The following MKLN1 variants were observed in gnomAD, a reference collection of about 807,000 sequenced individuals.
The protein encoded by MKLN1 is muskelin 1.
Under a neutral mutation model 99.0 loss-of-function variants are expected in MKLN1, and 18 were observed. That is an observed-to-expected ratio of 0.18 (90% CI 0.13 to 0.27). MKLN1 has a LOEUF of 0.27. Among genes scored for constraint, MKLN1 ranks in the 10% least tolerant of loss-of-function variants. MKLN1 has a pLI of 1.00. For synonymous variants in MKLN1, 288 were observed against 293.2 expected (o/e 0.98, Z 0.18); for missense variants, 621 against 875.9 (o/e 0.71, Z 3.67).
chr7:131,206,929 A>C (rs764370978), intron 3 of MKLN1, among the ~76,000 whole-genome samples: 1 of 152,128 alleles, frequency 6.6e-6, no homozygotes, highest in Non-Finnish European at 1.5e-5. Flanking sequence ...AAATGTTGCC[A>C]AGGCTGATTT....
intron 1 of MKLN1, among the ~76,000 whole-genome samples, chr7:131,120,768 T>A (rs1795355795): frequency 6.6e-6 from 1 of 152,152 alleles, no homozygotes; most frequent in Admixed American, 6.5e-5. Context: ...TCCATATCAC[T>A]ATCAGCATTT....
intron 1 of MKLN1, among the ~76,000 whole-genome samples, chr7:131,122,035 A>G (rs897589973): frequency 2.0e-5 from 3 of 152,266 alleles, no homozygotes; most frequent in Non-Finnish European, 4.4e-5. Flanking sequence ...CAAAAGGTCA[A>G]GAAAGATTAT....
chr7:131,254,461 T>A (rs1586431), intron 3 of MKLN1, among the ~76,000 whole-genome samples: 16,241 of 152,118 alleles, frequency 0.11, 921 homozygotes, highest in Middle Eastern at 0.12. Flanking sequence ...ACTTGAGGGC[T>A]CAGATATCAG....
chr7:131,382,898 T>C (rs572682943), intron 2 of MKLN1, among the ~76,000 whole-genome samples: 10 of 152,136 alleles, frequency 6.6e-5, no homozygotes, highest in African/African-American at 2.2e-4. Context: ...TAATTTTTTG[T>C]ATTTTTAGTA....
chr7:131,181,319 A>G (rs964315335), intron 2 of MKLN1, among the ~76,000 whole-genome samples: 2 of 152,220 alleles, frequency 1.3e-5, no homozygotes, highest in Non-Finnish European at 2.9e-5. Context: ...ATTATAGAAA[A>G]CTATATATGC....
intron 1 of MKLN1, among the ~76,000 whole-genome samples, chr7:131,113,298 C>T (rs1474652835): frequency 6.6e-6 from 1 of 152,054 alleles, no homozygotes; most frequent in Non-Finnish European, 1.5e-5. Flanking sequence ...GTGTAAAGAC[C>T]TTAGGGAAAA....
At chr7:131,298,006 G>C (rs1048124287) in intron 3 of MKLN1, among the ~76,000 whole-genome samples, 3 of 152,162 alleles carry the variant, frequency 2.0e-5, no homozygotes. Flanking sequence ...CATGACGGCC[G>C]GGCGCGGTGG....
chr7:131,389,906 A>G (rs888978790), intron 4 of MKLN1, among the ~76,000 whole-genome samples: 2 of 152,078 alleles, frequency 1.3e-5, no homozygotes, highest in South Asian at 2.1e-4. Flanking sequence ...AAAACCAAAA[A>G]AAAAATACTT....
chr7:131,398,415 C>T (rs1482540990), intron 5 of MKLN1, among the ~76,000 whole-genome samples: 4 of 151,974 alleles, frequency 2.6e-5, no homozygotes, highest in Admixed American at 6.6e-5. Context: ...TAAATTGGGC[C>T]GGGCGCAGTG....
intron 12 of MKLN1, 31 bp from the exon 13 acceptor site, chr7:131,463,186 T>C: frequency 1.3e-6 from 2 of 1,545,292 alleles, no homozygotes; most frequent in Non-Finnish European, 1.8e-6. Flanking sequence ...AATGTGAATA[T>C]TTTCATCTTA....
At chr7:131,418,920 C>T (rs560035717) in intron 8 of MKLN1, among the ~76,000 whole-genome samples, 79 of 152,192 alleles carry the variant, frequency 5.2e-4, no homozygotes, top group African/African-American at 1.9e-3. Flanking sequence ...AATTATGGTT[C>T]AGGTTAAATT....
intron 3 of MKLN1, among the ~76,000 whole-genome samples, chr7:131,288,796 G>T (rs1798171724): frequency 6.6e-6 from 1 of 151,940 alleles, no homozygotes; most frequent in African/African-American, 2.4e-5. Context: ...AGCTTCTATT[G>T]CTGCATGCTT....
intron 1 of MKLN1, among the ~76,000 whole-genome samples, chr7:131,133,794 A>T (rs1584781940): frequency 1.1e-5 from 1 of 88,480 alleles, no homozygotes; most frequent in Non-Finnish European, 2.5e-5. Flanking sequence ...GCCCAGGTTG[A>T]CTTCTTTTTT....
At chr7:131,203,896 C>A (rs1796766389) in intron 3 of MKLN1, among the ~76,000 whole-genome samples, 1 of 152,050 alleles carries the variant, frequency 6.6e-6, no homozygotes. Context: ...CCTAACATAG[C>A]CCTCATTTAT....
At chr7:131,291,254 C>T (rs1046292490) in intron 3 of MKLN1, among the ~76,000 whole-genome samples, 12 of 151,756 alleles carry the variant, frequency 7.9e-5, no homozygotes, top group Admixed American at 7.9e-4. Flanking sequence ...CCTCAGCCTT[C>T]CAAGTAGCTG....
In MKLN1 at chr7:131,445,713, T is replaced by G. The variant is rs535227436; in HGVS notation, c.1396-61T>G. On this transcript the variant is annotated intron_variant, in intron 11 of 17. Transcript: ENST00000352689. ...AGAGGTTTAAGTTTTTAAAGGATCA[T>G]TCTGAGTTCTTCATGGAAGTGATAA... is the stretch of plus-strand genomic sequence containing the variant. 51 of 1,418,840 alleles carry G rather than the reference T, an allele frequency of 3.6e-5. No individual in the cohort carries two copies. The African/African-American group carries it at 7.3e-4, about 20-fold the overall frequency. 87.9% of individuals were successfully genotyped at this position (1,418,840 alleles called of 1,614,324 possible). A position where few individuals can be genotyped will look rare whatever the true frequency, so the allele number is the denominator to read the frequency against.
intron 2 of MKLN1, among the ~76,000 whole-genome samples, chr7:131,175,595 G>A (rs138060237): frequency 3.9e-5 from 6 of 152,264 alleles, no homozygotes; most frequent in Non-Finnish European, 8.8e-5. Context: ...ACATGTTTGA[G>A]ATTAAACATA....
At chr7:131,438,097 C>A in intron 10 of MKLN1, 100 bp downstream of exon 10, 1 of 832,168 alleles carries the variant, frequency 1.2e-6, no homozygotes, top group Non-Finnish European at 2.0e-6. Flanking sequence ...TCCAGTAGTG[C>A]TTTCCATGAC....
chr7:131,487,044 C>CT lies in MKLN1; in HGVS notation c.2087-562dup, dbSNP rs1466389525. 6.6e-6 allele frequency among the ~76,000 whole-genome samples: 1 copy of CT among 152,110 alleles called. No individual in the cohort carries two copies. Among genetic ancestry groups the CT allele is most frequent in the Non-Finnish European group, 1.5e-5 (1 of 68,010 alleles). ...ACCATTCTGCATATTGTACATGTAT[C>CT]TCCCTCAGTCGTCTCTGTTACCACT... On this transcript the variant is annotated intron_variant, in intron 17 of 17. Coordinates refer to ENST00000352689, the MANE Select transcript of MKLN1 (RefSeq NM_013255.5). The surrounding 1 kb of genome is among the most constrained non-coding windows in gnomAD (Gnocchi z 4.7).
Sources: gnomAD v4.1 joint callset for allele counts (sites outside exome capture counted in the v4.1 genomes callset) on GRCh38, gnomAD v4.1.1 for gene constraint, Gnocchi (gnomAD v3.1) non-coding constraint, MANE v1.5 for transcripts, NCBI Gene and HGNC (gene_info 2026-07-23, HGNC 2026-07-21) for gene names.